Variants in RAPGEF2 observed in about 807,000 individuals in gnomAD.
The protein encoded by RAPGEF2 is Rap guanine nucleotide exchange factor 2, also known as PDZ domain containing guanine nucleotide exchange factor (GEF) 1.
Under a neutral mutation model 186.7 loss-of-function variants are expected in RAPGEF2, and 54 were observed. The ratio of observed to expected loss-of-function variants is 0.29; its 90% confidence interval spans 0.23 to 0.36. RAPGEF2 has a LOEUF of 0.36. RAPGEF2 is among the 10% of genes least tolerant of loss of function. The pLI, the probability that RAPGEF2 is intolerant of heterozygous loss-of-function variation, is 1.00. For missense variants in RAPGEF2, 1,532 were observed against 2,045.0 expected, an observed-to-expected ratio of 0.75 and a Z score of 4.84; for synonymous variants, 712 against 705.9, an observed-to-expected ratio of 1.01 and a Z score of -0.14.
chr4:159,328,789 T>C (rs1459774450), intron 11 of RAPGEF2: 1 of 152,214 alleles, frequency 6.6e-6, no homozygotes, highest in Non-Finnish European at 1.5e-5. Flanking sequence ...GGAGGATGAA[T>C]TGAAAAAGTT....
chr4:159,231,373 A>T (rs1752625636), intron 4 of RAPGEF2, among the ~76,000 whole-genome samples: 1 of 152,118 alleles, frequency 6.6e-6, no homozygotes, highest in Non-Finnish European at 1.5e-5. Context: ...TTACTCACAC[A>T]TATTATTTTG....
At position 159,355,896 on chromosome 4, in the gene RAPGEF2, C is replaced by CCCCCACCAAT; in HGVS notation, c.4695_4696insCCCCACCAAT (p.Gly1566ProfsTer12). 1 of 1,555,886 alleles carries CCCCCACCAAT rather than the reference C, an allele frequency of 6.4e-7. No homozygotes were observed. ...ATCGAGAGCCCCCGCCCACCCCTCCCGGCTACATTGGAATTCCCATTACTG... is the reference window on the plus strand; with the variant it reads ...ATCGAGAGCCCCCGCCCACCCCTCCCCCCCACCAATGGCTACATTGGAATTCCCATTACTG... On this transcript the variant is annotated frameshift_variant, in exon 29 of 30. Transcript: ENST00000691494. LOFTEE classifies it high-confidence loss of function.
intron 1 of RAPGEF2, among the ~76,000 whole-genome samples, chr4:159,164,304 GTTT>G (rs10717642): frequency 7.0e-6 from 1 of 142,004 alleles, no homozygotes; most frequent in East Asian, 2.0e-4. Context: ...GCACCCGGCT[GTTT>G]TTTTTTTTTT....
chr4:159,304,281 A>C, intron 7 of RAPGEF2, 61 bp from the exon 8 acceptor site: 1 of 1,438,584 alleles, frequency 7.0e-7, no homozygotes, highest in South Asian at 1.3e-5. Context: ...TTAATTTTAA[A>C]ATGTCTTCTT....
intron 1 of RAPGEF2, among the ~76,000 whole-genome samples, chr4:159,105,152 C>A (rs1248363112): frequency 6.6e-6 from 1 of 152,180 alleles, no homozygotes; most frequent in African/African-American, 2.4e-5. Flanking sequence ...GCTTAATTTT[C>A]TCCGCCTTTA....
chr4:159,335,763 G>C (rs528273044), intron 17 of RAPGEF2, among the ~76,000 whole-genome samples: 1 of 151,138 alleles, frequency 6.6e-6, no homozygotes, highest in East Asian at 1.9e-4. Flanking sequence ...GTGAACCCGG[G>C]AGGCGGAGCT....
chr4:159,304,265 G>A, intron 7 of RAPGEF2, 77 bp from the exon 8 acceptor site: 7 of 1,317,638 alleles, frequency 5.3e-6, no homozygotes, highest in Non-Finnish European at 7.3e-6. Flanking sequence ...AATAAAATAT[G>A]ATATTTTAAT....
At chr4:159,196,332 T>A (rs1328215999) in intron 3 of RAPGEF2, among the ~76,000 whole-genome samples, 1 of 152,226 alleles carries the variant, frequency 6.6e-6, no homozygotes, top group East Asian at 1.9e-4. Context: ...TTCGGACCTG[T>A]TATTATTACC....
At chr4:159,168,019 T>G (rs965327310) in intron 1 of RAPGEF2, among the ~76,000 whole-genome samples, 1 of 152,232 alleles carries the variant, frequency 6.6e-6, no homozygotes, top group Admixed American at 6.5e-5. Context: ...TGTGTAAATA[T>G]GTATGATCTT....
chr4:159,145,039 C>T (rs1315266533), intron 1 of RAPGEF2, among the ~76,000 whole-genome samples: 4 of 151,846 alleles, frequency 2.6e-5, no homozygotes, highest in East Asian at 1.9e-4. Flanking sequence ...CAGGCATGCA[C>T]CAGTACACCT....
chr4:159,116,189 T>G, intron 1 of RAPGEF2, among the ~76,000 whole-genome samples: 1 of 152,198 alleles, frequency 6.6e-6, no homozygotes, highest in Non-Finnish European at 1.5e-5. Flanking sequence ...TCTAGCCATC[T>G]GACAAAGGCC....
intron 4 of RAPGEF2, among the ~76,000 whole-genome samples, chr4:159,233,707 C>A (rs1752901004): frequency 6.6e-6 from 1 of 151,968 alleles, no homozygotes; most frequent in Non-Finnish European, 1.5e-5. Flanking sequence ...CAAAATCTCA[C>A]AAATCACTAA....
At chr4:159,236,124 A>T (rs1160326107) in intron 4 of RAPGEF2, among the ~76,000 whole-genome samples, 1 of 152,218 alleles carries the variant, frequency 6.6e-6, no homozygotes, top group East Asian at 1.9e-4. Context: ...CATTCAGCTT[A>T]TTCAATAAAT....
intron 5 of RAPGEF2, among the ~76,000 whole-genome samples, chr4:159,240,798 T>C (rs1753889334): frequency 1.3e-5 from 2 of 150,354 alleles, no homozygotes; most frequent in East Asian, 3.9e-4. Context: ...TTTACAGATT[T>C]CCATCAGGGT....
intron 1 of RAPGEF2, 63 bp downstream of exon 1, chr4:159,104,294 T>C (rs982096611): frequency 8.6e-6 from 6 of 696,414 alleles, no homozygotes; most frequent in Non-Finnish European, 1.2e-5. Context: ...CGTCTTCCCC[T>C]GTCCCCCCAC....
chr4:159,127,746 G>T (rs1397748406), intron 1 of RAPGEF2, among the ~76,000 whole-genome samples: 1 of 152,160 alleles, frequency 6.6e-6, no homozygotes, highest in Non-Finnish European at 1.5e-5. Context: ...AATAGAATAA[G>T]AATACTAATG....
At position 159,358,282 on chromosome 4, in the gene RAPGEF2, T is replaced by G; in HGVS notation, c.*143T>G. The stretch of plus-strand genomic sequence containing the variant: ...CCCTGCCTTAAAAGCAGCATGGGGC[T>G]TCTTCTCCCCTTCTTCCTTTCCCCT... On this transcript the variant is annotated 3_prime_UTR_variant, in exon 30 of 30. Coordinates refer to ENST00000691494, the MANE Select transcript of RAPGEF2 (RefSeq NM_001394067.2). 1 of 709,168 alleles carries G rather than the reference T, an allele frequency of 1.4e-6. No individual in the cohort carries two copies. Among genetic ancestry groups the G allele is most frequent in the Non-Finnish European group, 2.3e-6 (1 of 425,598 alleles). 43.9% of individuals were successfully genotyped at this position (709,168 alleles called of 1,614,324 possible).
At chr4:159,186,841 C>T (rs946501116) in intron 2 of RAPGEF2, 129 bp downstream of exon 2, 2 of 525,254 alleles carry the variant, frequency 3.8e-6, no homozygotes, top group African/African-American at 3.9e-5. Flanking sequence ...GGGGTACATT[C>T]TGATATTTTA....
intron 9 of RAPGEF2, among the ~76,000 whole-genome samples, chr4:159,320,669 C>T (rs116384426): frequency 0.011 from 1,661 of 152,174 alleles, 36 homozygotes; most frequent in African/African-American, 0.038. Context: ...CATTGCCCAA[C>T]TGGGCCAGAG....
Sources: allele counts gnomAD v4.1 joint callset (sites outside exome capture counted in the v4.1 genomes callset), GRCh38; gene constraint gnomAD v4.1.1; transcripts MANE v1.5; gene names NCBI Gene and HGNC (gene_info 2026-07-23, HGNC 2026-07-21).